Variants in AFF3 observed in about 807,000 individuals in gnomAD.
AFF3 encodes the protein ALF transcription elongation factor 3, also known as AF4/FMR2 family member 3.
Under a neutral mutation model 129.7 loss-of-function variants are expected in AFF3, and 32 were observed. That is an observed-to-expected ratio of 0.25 (90% CI 0.19 to 0.33). AFF3 has a LOEUF of 0.33. Among genes scored for constraint, AFF3 ranks in the 10% least tolerant of loss-of-function variants. The probability of loss-of-function intolerance (pLI) is 1.00; values close to 1 mark genes in which losing one functional copy is unlikely to be tolerated. For synonymous variants in AFF3, 644 were observed against 635.4 expected, an observed-to-expected ratio of 1.01 and a Z score of -0.20; for missense variants, 1,373 against 1,592.0, an observed-to-expected ratio of 0.86 and a Z score of 2.34.
intron 4 of AFF3, among the ~76,000 whole-genome samples, chr2:100,024,231 CAAAAAAAAAAA>C (rs56368025): frequency 1.8e-4 from 10 of 56,044 alleles, no homozygotes; most frequent in African/African-American, 7.6e-4. Context: ...GACTCCGTCT[CAAAAAAAAAAA>C]AAAAAAAAAA....
chr2:99,818,863 G>C (rs1458252517), intron 8 of AFF3, among the ~76,000 whole-genome samples: 1 of 152,118 alleles, frequency 6.6e-6, no homozygotes, highest in Non-Finnish European at 1.5e-5. Flanking sequence ...GGCATACTTA[G>C]TATAGCCATA....
At chr2:99,611,126 T>C (rs1680877766) in intron 13 of AFF3, among the ~76,000 whole-genome samples, 1 of 152,230 alleles carries the variant, frequency 6.6e-6, no homozygotes. Flanking sequence ...ATGGAATTTT[T>C]CAGTTATAAA....
intron 12 of AFF3, among the ~76,000 whole-genome samples, chr2:99,664,321 A>G (rs1686489214): frequency 6.6e-6 from 1 of 152,228 alleles, no homozygotes; most frequent in South Asian, 2.1e-4. Flanking sequence ...TAAACTTTCT[A>G]AGGAAACCTG....
At chr2:100,057,403 G>A (rs1274853287) in intron 4 of AFF3, among the ~76,000 whole-genome samples, 1 of 151,378 alleles carries the variant, frequency 6.6e-6, no homozygotes, top group East Asian at 1.9e-4. Flanking sequence ...ATGACCACAG[G>A]ATAAGTTACC....
At chr2:99,989,873 T>C (rs530059594) in intron 7 of AFF3, among the ~76,000 whole-genome samples, 2 of 152,352 alleles carry the variant, frequency 1.3e-5, no homozygotes, top group East Asian at 1.9e-4. Flanking sequence ...TATCAGGTAT[T>C]AGAAAAGCAT....
intron 12 of AFF3, among the ~76,000 whole-genome samples, chr2:99,651,104 C>T (rs1019108315): frequency 2.1e-5 from 3 of 142,126 alleles, no homozygotes; most frequent in Admixed American, 7.5e-5. Context: ...ACTTGGGGGG[C>T]GGAGGTTGCA....
In AFF3 at chr2:99,932,210, A is replaced by AT. The variant is rs371486562; in HGVS notation, c.873+74421dup. On this transcript the variant is annotated intron_variant, in intron 7 of 24. Coordinates refer to ENST00000672756, the MANE Select transcript of AFF3 (RefSeq NM_001386135.1). ...AAAACATTATGAGATTTTTTTTGCG[A>AT]TTTTTTTTTAGCTCATCAGCTATTG... 1.4e-3 allele frequency among the ~76,000 whole-genome samples: 214 copies of AT among 151,158 alleles called. No individual in the cohort carries two copies. In the Middle Eastern group the frequency reaches 0.024, roughly 17 times the overall value.
chr2:99,869,032 CCCTCTG>C (rs140084118), intron 7 of AFF3, among the ~76,000 whole-genome samples: 51,891 of 151,306 alleles, frequency 0.34, 9,558 homozygotes, highest in East Asian at 0.51. Context: ...CTCAAGTGAT[CCCTCTG>C]CCTCTGCCTC....
intron 8 of AFF3, among the ~76,000 whole-genome samples, chr2:99,768,011 C>T (rs1432673449): frequency 6.6e-6 from 1 of 152,172 alleles, no homozygotes; most frequent in African/African-American, 2.4e-5. Context: ...ATGCAGGGCT[C>T]AGGGCAACTT....
At chr2:99,784,377 G>T (rs559373645) in intron 8 of AFF3, among the ~76,000 whole-genome samples, 2 of 152,300 alleles carry the variant, frequency 1.3e-5, no homozygotes, top group South Asian at 4.1e-4. Context: ...CCAAACCTCT[G>T]CAGGCTCTAA....
rs1682239119 is a variant in AFF3, at chr2:100,008,896, T to C, written c.90A>G (p.Lys30=). 6.2e-7 allele frequency: 1 copy of C among 1,614,104 alleles called. No individual in the cohort carries two copies. Among genetic ancestry groups the C allele is most frequent in the Admixed American group, 1.7e-5 (1 of 60,022 alleles). Residue 30 remains lysine, a synonymous_variant, in exon 5 of 25, where the codon AAA becomes AAG. Transcript: ENST00000672756. ...YEPDRNALRR[K]ERERRNQETQ... ...TTTCTTGATTTCTTCTTTCTCGTTCTTTCCTCCGTAATGCATTTCTATCTG... is the reference window on the plus strand; with the variant it reads ...TTTCTTGATTTCTTCTTTCTCGTTCCTTCCTCCGTAATGCATTTCTATCTG...
intron 4 of AFF3, among the ~76,000 whole-genome samples, chr2:100,021,663 C>T (rs929057573): frequency 1.3e-5 from 2 of 152,078 alleles, no homozygotes; most frequent in Non-Finnish European, 2.9e-5. Flanking sequence ...ATACAAAACA[C>T]AAACTTTTAA....
intron 8 of AFF3, among the ~76,000 whole-genome samples, chr2:99,807,702 A>C (rs78488361): frequency 0.011 from 1,611 of 152,284 alleles, 23 homozygotes; most frequent in African/African-American, 0.037. Flanking sequence ...GTCTTGTAGC[A>C]AAACACCCTC....
intron 7 of AFF3, among the ~76,000 whole-genome samples, chr2:100,002,791 GT>G (rs1681548578): frequency 6.6e-6 from 1 of 152,136 alleles, no homozygotes; most frequent in Non-Finnish European, 1.5e-5. Context: ...AAATGTGTAG[GT>G]TTTGGAATAC....
At chr2:99,750,406 T>A (rs1170927244) in intron 9 of AFF3, among the ~76,000 whole-genome samples, 1 of 50,130 alleles carries the variant, frequency 2.0e-5, no homozygotes, top group African/African-American at 6.4e-5. Flanking sequence ...AAGTACTTTT[T>A]TTTTTTCTTT....
intron 7 of AFF3, among the ~76,000 whole-genome samples, chr2:99,854,971 C>T (rs1272945921): frequency 6.6e-6 from 1 of 152,134 alleles, no homozygotes; most frequent in Non-Finnish European, 1.5e-5. Context: ...TTGAACCTTG[C>T]CCCATAGCAC....
intron 7 of AFF3, among the ~76,000 whole-genome samples, chr2:99,982,846 T>TG (rs556561519): frequency 6.6e-6 from 1 of 152,226 alleles, no homozygotes; most frequent in South Asian, 2.1e-4. Context: ...AAATTAAAGA[T>TG]GGGAAAGTTC....
intron 7 of AFF3, among the ~76,000 whole-genome samples, chr2:99,840,371 T>G (rs1689227361): frequency 6.6e-6 from 1 of 152,212 alleles, no homozygotes. Context: ...TATTTTCTTG[T>G]GGATTATTTG....
intron 7 of AFF3, among the ~76,000 whole-genome samples, chr2:99,984,554 G>A (rs1454497912): frequency 6.6e-6 from 1 of 152,128 alleles, no homozygotes; most frequent in East Asian, 1.9e-4. Context: ...TCAAAAACAT[G>A]CTACAGCTCT....
Sources: gnomAD v4.1 joint callset for allele counts (sites outside exome capture counted in the v4.1 genomes callset) on GRCh38, gnomAD v4.1.1 for gene constraint, MANE v1.5 for transcripts, NCBI Gene and HGNC (gene_info 2026-07-23, HGNC 2026-07-21) for gene names.